Variants in COA6 observed in about 807,000 individuals in gnomAD.
COA6 encodes the protein cytochrome c oxidase assembly factor 6 homolog.
COA6 carries 12 observed loss-of-function variants against 17.1 expected under a neutral mutation model. The observed-to-expected ratio is 0.70, with a 90% CI of 0.45 to 1.14. The LOEUF (loss-of-function observed/expected upper bound fraction) is 1.14. COA6 is among the 50% of genes most tolerant of loss of function. The pLI, the probability that COA6 is intolerant of heterozygous loss-of-function variation, is 0.00. For synonymous variants in COA6, 90 were observed against 73.4 expected (o/e 1.23, Z -1.16); for missense variants, 246 against 196.5 (o/e 1.25, Z -1.51).
intron 2 of COA6, among the ~76,000 whole-genome samples, chr1:234,382,773 G>C (rs893637955): frequency 6.6e-6 from 1 of 152,192 alleles, no homozygotes; most frequent in Non-Finnish European, 1.5e-5. Flanking sequence ...GGGAGGCCAA[G>C]GCAGGTGGAT....
intron 2 of COA6, among the ~76,000 whole-genome samples, chr1:234,380,827 C>T (rs1429672464): frequency 2.6e-5 from 4 of 152,178 alleles, no homozygotes; most frequent in African/African-American, 7.2e-5. Flanking sequence ...TGGCGAAACC[C>T]CATCTCTACT....
Position 234,374,291 on chromosome 1 carries a change from C to G in COA6, c.274C>G (p.Arg92Gly), listed in dbSNP as rs758795504. The stretch of plus-strand genomic sequence containing the variant: ...GGAAAGACAGGTCTGCTGGGGGGCC[C>G]GGGATGAGTACTGGAAGTGTTTAGA... ...MKERQVCWGARDEYWKCLDEN... is the reference protein window; with the variant it reads ...MKERQVCWGAGDEYWKCLDEN... Residue 92 changes from arginine (R) to glycine (G), a missense_variant, in exon 2 of 3, where the codon CGG becomes GGG. Transcript: ENST00000366615. The G allele has an allele frequency of 6.2e-7, 1 of 1,613,872 alleles. No individual in the cohort carries two copies. The highest frequency in any genetic ancestry group is 2.2e-5 in the East Asian group (1 of 44,874).
At position 234,381,951 on chromosome 1, in the gene COA6, T is replaced by G. The variant is rs143977649; in HGVS notation, c.373-1772T>G. On this transcript the variant is annotated intron_variant, in intron 2 of 2. Transcript: ENST00000366615. ...CAAAAATGTTAAGGGCAATGTCCAC[T>G]TCTTCCTTTGGTATCCTTATATAAC... Among the ~76,000 whole-genome samples, 336 of 152,350 alleles carry G rather than the reference T, an allele frequency of 2.2e-3. 12 individuals carry two copies. The East Asian group carries it at 0.054, about 24-fold the overall frequency.
chr1:234,378,212 C>G (rs1417218914), intron 2 of COA6, among the ~76,000 whole-genome samples: 1 of 152,174 alleles, frequency 6.6e-6, no homozygotes, highest in East Asian at 1.9e-4. Flanking sequence ...GATGATGGCC[C>G]TACTTCAGCT....
rs896808438 is a variant in COA6 at position 234,384,155 on chromosome 1, A to G, written c.*337A>G. The G allele has an allele frequency of 1.2e-5, 2 of 169,884 alleles. No homozygotes were observed. The highest frequency in any genetic ancestry group is 4.8e-5 in the African/African-American group (2 of 42,092). 10.5% of individuals were successfully genotyped at this position (169,884 alleles called of 1,614,324 possible). ...GAAATAAATGGGAGTTAGCATTTTAATACAGGCAAGAGCTATTACAACAAC... is the reference window on the plus strand; with the variant it reads ...GAAATAAATGGGAGTTAGCATTTTAGTACAGGCAAGAGCTATTACAACAAC... On this transcript the variant is annotated 3_prime_UTR_variant, in exon 3 of 3. Transcript: ENST00000366615.
Position 234,383,710 on chromosome 1 carries a change from T to G in COA6, c.373-13T>G. The G allele has an allele frequency of 2.5e-6, 3 of 1,184,620 alleles. No individual in the cohort carries two copies. In the Middle Eastern group the frequency reaches 6.2e-4, roughly 245 times the overall value. 73.4% of individuals were successfully genotyped at this position (1,184,620 alleles called of 1,614,324 possible). A position where few individuals can be genotyped will look rare whatever the true frequency, so the allele number is the denominator to read the frequency against. On this transcript the variant is annotated splice_polypyrimidine_tract_variant and intron_variant, in intron 2 of 2. Coordinates refer to ENST00000366615, the MANE Select transcript of COA6 (RefSeq NM_001206641.3). Reference sequence around the variant, plus strand: ...AACTTGCCCTTATTTCAAATCCTTTTTTTTTCCAACAGATAAAATATTTTG... The same window carrying G: ...AACTTGCCCTTATTTCAAATCCTTTGTTTTTCCAACAGATAAAATATTTTG...
Position 234,384,825 on chromosome 1 carries a change from T to A in COA6, c.*1007T>A, listed in dbSNP as rs1659081476. Among the ~76,000 whole-genome samples the A allele has an allele frequency of 6.6e-6, 1 of 152,240 alleles. No homozygotes were observed. The highest frequency in any genetic ancestry group is 1.5e-5 in the Non-Finnish European group (1 of 68,038). On this transcript the variant is annotated 3_prime_UTR_variant, in exon 3 of 3. Coordinates refer to ENST00000366615, the MANE Select transcript of COA6 (RefSeq NM_001206641.3). ...ACACCTATTTACATTGTATTAGGTA[T>A]TGTAAGTCATTGAGATGATTTAAAG...
At position 234,384,288 on chromosome 1, in the gene COA6, A is replaced by T. The variant is rs181339022; in HGVS notation, c.*470A>T. 1.3e-5 allele frequency among the ~76,000 whole-genome samples: 2 copies of T among 152,314 alleles called. No homozygotes were observed. Among genetic ancestry groups the T allele is most frequent in the Admixed American group, 1.3e-4 (2 of 15,304 alleles). On this transcript the variant is annotated 3_prime_UTR_variant, in exon 3 of 3. Transcript: ENST00000366615. ...CCATCTATAAAAAAGCCCATAGCTA[A>T]TATCAACACTTAATGTTGGGACAGG...
chr1:234,380,697 C>T (rs1284341612), intron 2 of COA6, among the ~76,000 whole-genome samples: 1 of 152,238 alleles, frequency 6.6e-6, no homozygotes, highest in African/African-American at 2.4e-5. Flanking sequence ...TTATAGCACT[C>T]ATCAGTATGA....
At chr1:234,380,873 G>A (rs12025310) in intron 2 of COA6, among the ~76,000 whole-genome samples, 1,817 of 152,272 alleles carry the variant, frequency 0.012, 37 homozygotes, top group East Asian at 0.084. Context: ...GGTGGCACGC[G>A]CCTGTAGTCC....
chr1:234,382,010 G>A lies in COA6; in HGVS notation c.373-1713G>A, dbSNP rs150940550. On this transcript the variant is annotated intron_variant, in intron 2 of 2. Transcript: ENST00000366615. ...TAGCCCAATCAGCCTGAGACCACCA[G>A]GGATGAATGTATAGTCTGATTTGTG... 6.2e-3 allele frequency among the ~76,000 whole-genome samples: 949 copies of A among 152,304 alleles called. 6 individuals carry two copies. Among genetic ancestry groups the A allele is most frequent in the Non-Finnish European group, 0.011 (771 of 68,032 alleles).
At chr1:234,375,133 CAAA>C (rs11341337) in intron 2 of COA6, among the ~76,000 whole-genome samples, 19,224 of 128,406 alleles carry the variant, frequency 0.15, 1,444 homozygotes, top group Non-Finnish European at 0.2. Flanking sequence ...ACTAAAAATA[CAAA>C]AAAAAAAAAA....
Position 234,385,070 on chromosome 1 carries a change from C to CTGAG in COA6, c.*1254_*1257dup, listed in dbSNP as rs1181621591. On this transcript the variant is annotated 3_prime_UTR_variant, in exon 3 of 3. Transcript: ENST00000366615. Reference sequence around the variant, plus strand: ...ATTACTAAAAAATGCTAAAGATTCTCTGAGTCTTCAGCGAGTTGTCATCCT... The same window carrying CTGAG: ...ATTACTAAAAAATGCTAAAGATTCTCTGAGTGAGTCTTCAGCGAGTTGTCATCCT... 1.3e-5 allele frequency among the ~76,000 whole-genome samples: 2 copies of CTGAG among 152,160 alleles called. No individual in the cohort carries two copies. Among genetic ancestry groups the CTGAG allele is most frequent in the African/African-American group, 4.8e-5 (2 of 41,434 alleles).
At chr1:234,375,299 G>A (rs1044468175) in intron 2 of COA6, among the ~76,000 whole-genome samples, 4 of 152,116 alleles carry the variant, frequency 2.6e-5, no homozygotes, top group Non-Finnish European at 5.9e-5. Context: ...AGAGCGAGAC[G>A]TTGTTATTCT....
chr1:234,375,976 C>G (rs994620215), intron 2 of COA6, among the ~76,000 whole-genome samples: 3 of 152,146 alleles, frequency 2.0e-5, no homozygotes, highest in African/African-American at 7.2e-5. Flanking sequence ...TTTAGATGAA[C>G]TCTTCATCTG....
chr1:234,376,181 C>T (rs905423557), intron 2 of COA6, among the ~76,000 whole-genome samples: 7 of 152,142 alleles, frequency 4.6e-5, no homozygotes, highest in Non-Finnish European at 8.8e-5. Context: ...TTAAGGAGTT[C>T]CCCTTCGATC....
chr1:234,373,516 G>A lies in COA6; in HGVS notation c.50G>A (p.Cys17Tyr). 3 of 1,608,246 alleles carry A rather than the reference G, an allele frequency of 1.9e-6. No homozygotes were observed. Among genetic ancestry groups the A allele is most frequent in the Non-Finnish European group, 2.5e-6 (3 of 1,177,266 alleles). ...AGTCCGCGGTTTCGCCGCGTGAGTT[G>A]CTTTTTGCGGCTGGGGAGGTCTACG... ...QKSPRFRRVS[C>Y]FLRLGRSTLL... Residue 17 changes from cysteine (C) to tyrosine (Y), a missense_variant, in exon 1 of 3, where the codon TGC (cysteine) becomes TAC (tyrosine). Cys to Tyr is a radical substitution (Grantham distance 194). Transcript: ENST00000366615.
In COA6 at chr1:234,373,557, C is replaced by T; in HGVS notation, c.91C>T (p.Pro31Ser). The T allele has an allele frequency of 1.2e-6, 2 of 1,611,834 alleles. No individual in the cohort carries two copies. The highest frequency in any genetic ancestry group is 1.7e-6 in the Non-Finnish European group (2 of 1,179,280). ...GAGGTCTACGCTTCTAGAGCTTGAG[C>T]CAGCGGGGCGACCCTGCAGTGGCAG... ...LGRSTLLELE[P>S]AGRPCSGRTR... is the part of the protein sequence containing the mutation. Residue 31 changes from proline to serine, a missense_variant, in exon 1 of 3, where the codon CCA (proline) becomes TCA (serine). Physicochemically the swap from Pro to Ser is moderately conservative, Grantham distance 74. Coordinates refer to ENST00000366615, the MANE Select transcript of COA6 (RefSeq NM_001206641.3).
In COA6 at chr1:234,377,133, T is replaced by TTTTGTTGTTGTTG. The variant is rs60899682; in HGVS notation, c.372+2746_372+2747insTGTTGTTGTTGTT. 1.0e-4 allele frequency among the ~76,000 whole-genome samples: 7 copies of TTTTGTTGTTGTTG among 69,572 alleles called. 1 individual carries two copies. The highest frequency in any genetic ancestry group is 5.9e-4 in the Admixed American group (4 of 6,836). 45.6% of individuals were successfully genotyped at this position (69,572 alleles called of 152,430 possible). A position where few individuals can be genotyped will look rare whatever the true frequency, so the allele number is the denominator to read the frequency against. ...CTCTGTCTCCTCTTTTTTTGTTTTT[T>TTTTGTTGTTGTTG]TTGTTGTTGTTGAGACAGAGTCTCA... On this transcript the variant is annotated intron_variant, in intron 2 of 2. Coordinates refer to ENST00000366615, the MANE Select transcript of COA6 (RefSeq NM_001206641.3).
Sources: allele counts gnomAD v4.1 joint callset (sites outside exome capture counted in the v4.1 genomes callset), GRCh38; gene constraint gnomAD v4.1.1; transcripts MANE v1.5; gene names NCBI Gene and HGNC (gene_info 2026-07-23, HGNC 2026-07-21).